The following URGCP variants were observed in gnomAD, a reference collection of about 807,000 sequenced individuals.
URGCP encodes upregulator of cell proliferation, also known as up-regulator of cell proliferation.
URGCP carries 13 observed loss-of-function variants against 24.6 expected under a neutral mutation model. The observed-to-expected ratio is 0.53, with a 90% CI of 0.34 to 0.84. URGCP has a LOEUF of 0.84. Ranked by LOEUF, URGCP falls within the 40% of genes least tolerant of loss-of-function variation. The pLI is 0.01. For synonymous variants in URGCP, 444 were observed against 487.2 expected, an observed-to-expected ratio of 0.91 and a Z score of 1.17; for missense variants, 899 against 1,194.3, an observed-to-expected ratio of 0.75 and a Z score of 3.64.
upstream of URGCP, among the ~76,000 whole-genome samples, chr7:43,907,558 T>C (rs1212857930): frequency 1.3e-5 from 2 of 151,964 alleles, no homozygotes; most frequent in East Asian, 3.9e-4. Context: ...TTACTACTAT[T>C]AAGAATACAA....
intron 1 of URGCP, among the ~76,000 whole-genome samples, chr7:43,900,436 C>T (rs952547168): frequency 1.6e-5 from 2 of 126,468 alleles, no homozygotes; most frequent in Non-Finnish European, 3.1e-5. Context: ...GCCTGGGCGA[C>T]AGAGTGAGAC....
At chr7:43,884,900 A>G (rs987527169) in intron 3 of URGCP, among the ~76,000 whole-genome samples, 1 of 152,154 alleles carries the variant, frequency 6.6e-6, no homozygotes, top group Non-Finnish European at 1.5e-5. Context: ...GTGACTACAT[A>G]AAGTATAAAC....
intron 1 of URGCP, among the ~76,000 whole-genome samples, chr7:43,905,088 A>T (rs57321120): frequency 0.12 from 17,740 of 152,190 alleles, 1,170 homozygotes; most frequent in Admixed American, 0.18. Context: ...CACCAACTAC[A>T]GGGACACAGT....
At chr7:43,883,362 A>ATATATATATT (rs1554289259) in intron 3 of URGCP, among the ~76,000 whole-genome samples, 3 of 88,324 alleles carry the variant, frequency 3.4e-5, no homozygotes, top group African/African-American at 1.7e-4. Flanking sequence ...ATATATATAT[A>ATATATATATT]TTTTTTTTTT....
Position 43,878,237 on chromosome 7 carries a change from T to C in URGCP, c.1226A>G (p.Lys409Arg), listed in dbSNP as rs1399898880. 12 of 1,614,136 alleles carry C rather than the reference T, an allele frequency of 7.4e-6. No individual in the cohort carries two copies. Residue 409 changes from lysine (K) to arginine (R), a missense_variant, in exon 6 of 6, where the codon AAA (lysine) becomes AGA (arginine). Physicochemically the swap from Lys to Arg is conservative, Grantham distance 26. Transcript: ENST00000453200. This position sits in a 1 kb window ranked among gnomAD's most constrained non-coding sequence, Gnocchi z 5.6. ...RFLNKLIPVL[K>R]IDHSHVLVKV... ...TACCAGGACATGTGAGTGGTCTATTTTCAGCACAGGAATTAACTTATTCAG... is the reference window on the plus strand; with the variant it reads ...TACCAGGACATGTGAGTGGTCTATTCTCAGCACAGGAATTAACTTATTCAG...
In URGCP at chr7:43,877,033, C is replaced by G. The variant is rs1435149468; in HGVS notation, c.2430G>C (p.Gly810=). Reference sequence around the variant, plus strand: ...ATACAAACTGGTAGTTGGGCATGTGCCCCGTTTTTTCTAACCTCAGAAATG... The same window carrying G: ...ATACAAACTGGTAGTTGGGCATGTGGCCCGTTTTTTCTAACCTCAGAAATG... ...LHAFLRLEKT[G]HMPNYQFVYQ... Residue 810 remains glycine, a synonymous_variant, in exon 6 of 6, where the codon GGG becomes GGC. Transcript: ENST00000453200. The G allele has an allele frequency of 1.9e-6, 3 of 1,614,212 alleles. No homozygotes were observed. In the Admixed American group the frequency reaches 5.0e-5, roughly 27 times the overall value.
chr7:43,908,183 G>A (rs913289393), upstream of URGCP, among the ~76,000 whole-genome samples: 2 of 152,202 alleles, frequency 1.3e-5, no homozygotes, highest in African/African-American at 4.8e-5. Flanking sequence ...CCGGGTTCAA[G>A]CAATTCTGCC....
chr7:43,926,693 G>A (rs1022409780), upstream of URGCP: 2 of 913,570 alleles, frequency 2.2e-6, no homozygotes, highest in African/African-American at 1.8e-5. Flanking sequence ...AGGCAGAACA[G>A]CCTCCCGCGC....
At position 43,920,754 on chromosome 7, in the gene URGCP, A is replaced by G. The variant is rs374260479; in HGVS notation, c.-116+5378T>C. Among the ~76,000 whole-genome samples the G allele has an allele frequency of 2.0e-5, 3 of 152,244 alleles. No individual in the cohort carries two copies. In the East Asian group the frequency reaches 5.8e-4, roughly 29 times the overall value. ...CTGGGACTCCTTGAGAAGAACAGAAAAGGTGCCATGCATGCCATTTTGGGA... is the reference window on the plus strand; with the variant it reads ...CTGGGACTCCTTGAGAAGAACAGAAGAGGTGCCATGCATGCCATTTTGGGA... On this transcript the variant is annotated intron_variant, in intron 1 of 5. Coordinates refer to the URGCP transcript ENST00000426198.
intron 3 of URGCP, 81 bp from the exon 4 acceptor site, chr7:43,882,038 C>T (rs1312981053): frequency 3.8e-6 from 6 of 1,599,174 alleles, no homozygotes; most frequent in Non-Finnish European, 5.1e-6. Context: ...AGTGCTCATG[C>T]CTGTAACCCC....
chr7:43,923,645 A>G (rs554053104), intron 1 of URGCP, among the ~76,000 whole-genome samples: 6 of 152,132 alleles, frequency 3.9e-5, no homozygotes, highest in African/African-American at 1.4e-4. Context: ...AGAAATTTCT[A>G]TTCACATCTT....
At chr7:43,901,669 C>T (rs2095890970) in intron 1 of URGCP, among the ~76,000 whole-genome samples, 1 of 152,200 alleles carries the variant, frequency 6.6e-6, no homozygotes, top group Non-Finnish European at 1.5e-5. Flanking sequence ...CCCCTTTCCC[C>T]TTCCCCCAGT....
Position 43,878,076 on chromosome 7 carries a change from C to T in URGCP, c.1387G>A (p.Asp463Asn), listed in dbSNP as rs1453106801. 1 of 1,614,134 alleles carries T rather than the reference C, an allele frequency of 6.2e-7. No individual in the cohort carries two copies. Among genetic ancestry groups the T allele is most frequent in the East Asian group, 2.2e-5 (1 of 44,900 alleles). ...TTCTGACACTCCTCACAGTCCTCGT[C>T]GACCTTTAGGCCCAGTTTGCGGGCT... ...HAARKLGLKV[D>N]EDCEECQKAK... Residue 463 changes from aspartate to asparagine, a missense_variant, in exon 6 of 6, where the codon GAC becomes AAC. By Grantham distance (23) the Asp-to-Asn change is conservative (BLOSUM62 1). Coordinates refer to ENST00000453200, the MANE Select transcript of URGCP (RefSeq NM_001077663.3). This position sits in a 1 kb window ranked among gnomAD's most constrained non-coding sequence, Gnocchi z 5.6.
chr7:43,896,122 T>C (rs748892062), intron 1 of URGCP, among the ~76,000 whole-genome samples: 2 of 151,542 alleles, frequency 1.3e-5, no homozygotes, highest in East Asian at 1.9e-4. Context: ...AAGAAAAAAA[T>C]TGAGTGAATG....
chr7:43,889,832 T>C (rs111512820), intron 1 of URGCP, among the ~76,000 whole-genome samples: 8,354 of 152,246 alleles, frequency 0.055, 803 homozygotes, highest in African/African-American at 0.19. Context: ...TACTTCACTA[T>C]TAACTTATAA....
intron 1 of URGCP, among the ~76,000 whole-genome samples, chr7:43,911,622 G>A: frequency 6.6e-6 from 1 of 152,114 alleles, no homozygotes; most frequent in African/African-American, 2.4e-5. Flanking sequence ...GCTTGAACCT[G>A]GGAGGTGGAG....
At chr7:43,926,408 C>G in exon 1 of URGCP, 1 of 825,214 alleles carries the variant, frequency 1.2e-6, no homozygotes, top group Non-Finnish European at 1.6e-6. Flanking sequence ...GACGGCCCCA[C>G]AGTGCCCCGC....
At chr7:43,918,742 A>G in intron 1 of URGCP, 1 of 783,324 alleles carries the variant, frequency 1.3e-6, no homozygotes, top group Non-Finnish European at 2.2e-6. Flanking sequence ...TGCAGCAATC[A>G]GATTGGGTTC....
Position 43,876,049 on chromosome 7 carries a change from G to A in URGCP, c.*618C>T, listed in dbSNP as rs1043200. On this transcript the variant is annotated 3_prime_UTR_variant, in exon 6 of 6. Coordinates refer to ENST00000453200, the MANE Select transcript of URGCP (RefSeq NM_001077663.3). The stretch of plus-strand genomic sequence containing the variant: ...CATGTAAACACATGAGTTACAACGC[G>A]CTGCGTGAAGTGTGTGGCAGAGGTA... The A allele has an allele frequency of 9.2e-3, 1,429 of 154,874 alleles. 10 individuals are homozygous for A. Among genetic ancestry groups the A allele is most frequent in the Non-Finnish European group, 0.015 (1,049 of 69,904 alleles). The allele number at this position is 154,874 out of a possible 1,614,324, so 9.6% of individuals were successfully genotyped here.
Sources: gnomAD v4.1 joint callset for allele counts (sites outside exome capture counted in the v4.1 genomes callset) on GRCh38, gnomAD v4.1.1 for gene constraint, Gnocchi (gnomAD v3.1) non-coding constraint, MANE v1.5 for transcripts, NCBI Gene and HGNC (gene_info 2026-07-23, HGNC 2026-07-21) for gene names.